The following KDM3B variants were observed in gnomAD, a reference collection of about 807,000 sequenced individuals.
KDM3B encodes the protein lysine-specific demethylase 3B.
KDM3B carries 10 observed loss-of-function variants against 170.0 expected under a neutral mutation model. The ratio of observed to expected loss-of-function variants is 0.06; its 90% CI spans 0.04 to 0.10. KDM3B has a LOEUF of 0.10. KDM3B is among the 10% of genes least tolerant of loss of function. The pLI is 1.00. For missense variants in KDM3B, 1,394 were observed against 2,195.2 expected, an observed-to-expected ratio of 0.64 and a Z score of 7.29; for synonymous variants, 831 against 834.8, an observed-to-expected ratio of 1.00 and a Z score of 0.08.
rs1274604678 is a variant in KDM3B at position 138,352,720 on chromosome 5, GCGGGCGGAT to G, written c.-69_-61del. On this transcript the variant is annotated 5_prime_UTR_variant, in exon 1 of 24. Coordinates refer to ENST00000314358, the MANE Select transcript of KDM3B (RefSeq NM_016604.4). Reference sequence around the variant, plus strand: ...CGCGGGTGGTGCGGAGGGAGGCCTTGCGGGCGGATCGGGCGCTTGGCGGCGGAGGTGGTG... The same window carrying G: ...CGCGGGTGGTGCGGAGGGAGGCCTTGCGGGCGCTTGGCGGCGGAGGTGGTG... 6.0e-5 allele frequency: 69 copies of G among 1,142,424 alleles called. No individual in the cohort carries two copies. The highest frequency in any genetic ancestry group is 7.4e-5 in the Non-Finnish European group (68 of 923,096). The allele number at this position is 1,142,424 out of a possible 1,614,324, so 70.8% of individuals were successfully genotyped here. A position where few individuals can be genotyped will look rare whatever the true frequency, so the allele number is the denominator to read the frequency against.
intron 11 of KDM3B, among the ~76,000 whole-genome samples, chr5:138,408,980 G>A (rs1217189376): frequency 6.6e-6 from 1 of 152,124 alleles, no homozygotes; most frequent in African/African-American, 2.4e-5. Context: ...AATTTCTTGG[G>A]TGGAGAGCAC....
chr5:138,363,156 T>C (rs1055906941), intron 1 of KDM3B, among the ~76,000 whole-genome samples: 1 of 152,154 alleles, frequency 6.6e-6, no homozygotes, highest in Non-Finnish European at 1.5e-5. Context: ...TTCTACTAGA[T>C]AGTAAATTCA....
At chr5:138,419,665 A>AC (rs545838725) in intron 14 of KDM3B, among the ~76,000 whole-genome samples, 1 of 126,258 alleles carries the variant, frequency 7.9e-6, no homozygotes, top group Non-Finnish European at 1.6e-5. Flanking sequence ...AAAAAAAAAA[A>AC]AAAATATATA....
At chr5:138,431,604 A>G (rs1303540996) in intron 23 of KDM3B, 45 bp downstream of exon 23, 1 of 1,499,946 alleles carries the variant, frequency 6.7e-7, no homozygotes, top group Non-Finnish European at 9.0e-7. Context: ...CTCATTGCAT[A>G]CTCACATACA....
rs1195411354 is a variant in KDM3B at position 138,386,490 on chromosome 5, A to G, written c.1249A>G (p.Ile417Val). ...GKTLEQVGQG[I>V]VASAAVVTTA... Reference sequence around the variant, plus strand: ...AACACTGGAACAAGTTGGCCAGGGCATAGTGGCTTCCGCAGCTGTGGTCAC... The same window carrying G: ...AACACTGGAACAAGTTGGCCAGGGCGTAGTGGCTTCCGCAGCTGTGGTCAC... The change falls in exon 7 of 24, where the codon ATA becomes GTA. Residue 417 changes from isoleucine (I) to valine (V), a missense_variant. Ile to Val is a conservative substitution (Grantham distance 29). Coordinates refer to ENST00000314358, the MANE Select transcript of KDM3B (RefSeq NM_016604.4). The G allele has an allele frequency of 1.9e-6, 3 of 1,614,210 alleles. No homozygotes were observed.
intron 12 of KDM3B, among the ~76,000 whole-genome samples, chr5:138,415,565 G>A (rs1183929957): frequency 6.6e-6 from 1 of 151,398 alleles, no homozygotes; most frequent in Non-Finnish European, 1.5e-5. Context: ...GGCCTGCCAA[G>A]TAGCTAGGAC....
intron 23 of KDM3B, among the ~76,000 whole-genome samples, chr5:138,434,866 G>C (rs886759161): frequency 6.6e-6 from 1 of 152,112 alleles, no homozygotes; most frequent in Admixed American, 6.6e-5. Context: ...AATAGTAAAA[G>C]AAGGACTTGG....
At chr5:138,428,538 G>A (rs887045879) in intron 20 of KDM3B, among the ~76,000 whole-genome samples, 7 of 152,120 alleles carry the variant, frequency 4.6e-5, no homozygotes, top group East Asian at 1.9e-4. Context: ...TTCCCCTGGT[G>A]GCTTTTTCTT....
chr5:138,363,208 A>G (rs1376716267), intron 1 of KDM3B, among the ~76,000 whole-genome samples: 1 of 152,002 alleles, frequency 6.6e-6, no homozygotes, highest in East Asian at 1.9e-4. Flanking sequence ...TTTCTCTTCT[A>G]TTCCCTGACC....
chr5:138,402,031 C>T (rs1271339536), intron 11 of KDM3B, among the ~76,000 whole-genome samples: 1 of 151,982 alleles, frequency 6.6e-6, no homozygotes, highest in Non-Finnish European at 1.5e-5. Context: ...TGGGCCCAAG[C>T]AGTTCTCCCA....
At chr5:138,354,182 G>T (rs986602935) in intron 1 of KDM3B, among the ~76,000 whole-genome samples, 1 of 151,994 alleles carries the variant, frequency 6.6e-6, no homozygotes, top group Non-Finnish European at 1.5e-5. Flanking sequence ...TTTTTTTGTG[G>T]ATGGCTTAGG....
chr5:138,397,975 C>CT, intron 9 of KDM3B: 1 of 472,704 alleles, frequency 2.1e-6, no homozygotes, highest in Non-Finnish European at 3.7e-6. Context: ...TCTGGGACAG[C>CT]TTTTTAAAGA....
At chr5:138,380,938 G>A (rs1008561521) in intron 5 of KDM3B, among the ~76,000 whole-genome samples, 5 of 151,108 alleles carry the variant, frequency 3.3e-5, no homozygotes, top group Non-Finnish European at 5.9e-5. Flanking sequence ...GCAATGGCAC[G>A]ATCTCGGCTC....
At chr5:138,354,666 G>A (rs556949945) in intron 1 of KDM3B, among the ~76,000 whole-genome samples, 2 of 152,288 alleles carry the variant, frequency 1.3e-5, no homozygotes, top group East Asian at 1.9e-4. Context: ...CACCCACTAA[G>A]CTAAATACTG....
At position 138,352,924 on chromosome 5, in the gene KDM3B, C is replaced by G; in HGVS notation, c.129C>G (p.Arg43=). 7.5e-7 allele frequency: 1 copy of G among 1,336,802 alleles called. No individual in the cohort carries two copies. The highest frequency in any genetic ancestry group is 9.6e-7 in the Non-Finnish European group (1 of 1,044,174). The allele number at this position is 1,336,802 out of a possible 1,614,324, so 82.8% of individuals were successfully genotyped here. Residue 43 remains arginine (R), a synonymous_variant, in exon 1 of 24, where the codon CGC becomes CGG. Coordinates refer to ENST00000314358, the MANE Select transcript of KDM3B (RefSeq NM_016604.4). ...GCGGAGATCCGGGGCCTGCGCTGCG[C>G]ACTCGAGCCTGGCGGGCCGGCACGG... ...AASGDPGPAL[R]TRAWRAGTVR... is the part of the protein sequence containing the mutation.
chr5:138,376,310 T>C (rs1173197666), intron 3 of KDM3B, among the ~76,000 whole-genome samples: 1 of 152,136 alleles, frequency 6.6e-6, no homozygotes, highest in Admixed American at 6.6e-5. Flanking sequence ...TCTGCTCCCT[T>C]GCAAAGTACT....
At chr5:138,423,907 A>G (rs953285154) in intron 15 of KDM3B, among the ~76,000 whole-genome samples, 168 bp from the exon 16 acceptor site, 1 of 152,194 alleles carries the variant, frequency 6.6e-6, no homozygotes, top group African/African-American at 2.4e-5. Flanking sequence ...AGAATTTAAG[A>G]TGTTGACTTA....
chr5:138,416,002 G>A (rs1454407828), intron 12 of KDM3B, among the ~76,000 whole-genome samples: 1 of 151,332 alleles, frequency 6.6e-6, no homozygotes, highest in Non-Finnish European at 1.5e-5. Flanking sequence ...AAGATTGGAG[G>A]ATCAGTTGAA....
intron 15 of KDM3B, among the ~76,000 whole-genome samples, chr5:138,423,135 G>C (rs748301753): frequency 1.3e-4 from 20 of 152,150 alleles, no homozygotes; most frequent in Non-Finnish European, 2.6e-4. Flanking sequence ...GTAGAGACAG[G>C]GTTGGCCACC....
Sources: allele counts gnomAD v4.1 joint callset (sites outside exome capture counted in the v4.1 genomes callset), GRCh38; gene constraint gnomAD v4.1.1; transcripts MANE v1.5; gene names NCBI Gene and HGNC (gene_info 2026-07-23, HGNC 2026-07-21).